Variants in PAAF1 observed in about 807,000 individuals in gnomAD.
PAAF1 encodes the protein proteasomal ATPase associated factor 1, also known as proteasomal ATPase-associated factor 1.
PAAF1 carries 46 observed loss-of-function variants against 52.8 expected under a neutral mutation model. The ratio of observed to expected loss-of-function variants is 0.87; its 90% CI spans 0.69 to 1.11. The LOEUF is 1.11. Among genes scored for constraint, PAAF1 ranks in the 50% most tolerant of loss-of-function variants. PAAF1 has a pLI of 0.00. For synonymous variants in PAAF1, 178 were observed against 172.8 expected, an observed-to-expected ratio of 1.03 and a Z score of -0.24; for missense variants, 424 against 477.4, an observed-to-expected ratio of 0.89 and a Z score of 1.04.
chr11:73,906,772 C>T (rs148715773), intron 6 of PAAF1, among the ~76,000 whole-genome samples: 41 of 152,228 alleles, frequency 2.7e-4, no homozygotes, highest in Middle Eastern at 3.4e-3. Flanking sequence ...GGCACTTGTA[C>T]GTTACGCTGA....
At chr11:73,913,805 T>C (rs1350867450) in intron 7 of PAAF1, among the ~76,000 whole-genome samples, 2 of 152,190 alleles carry the variant, frequency 1.3e-5, no homozygotes, top group Non-Finnish European at 2.9e-5. Context: ...TGTAAGATCT[T>C]TGAGGTCAGA....
chr11:73,897,537 T>C (rs1342661152), intron 4 of PAAF1, among the ~76,000 whole-genome samples: 2 of 144,728 alleles, frequency 1.4e-5, no homozygotes, highest in African/African-American at 5.2e-5. Flanking sequence ...TCCCCACATC[T>C]CAGACGATGG....
At chr11:73,898,200 GA>G (rs1949478531) in intron 4 of PAAF1, among the ~76,000 whole-genome samples, 1 of 143,902 alleles carries the variant, frequency 6.9e-6, no homozygotes, top group Admixed American at 6.8e-5. Flanking sequence ...TGGGGAGAGG[GA>G]GGGGGAGGGG....
At chr11:73,919,860 A>G (rs1950163773) in intron 10 of PAAF1, among the ~76,000 whole-genome samples, 1 of 152,214 alleles carries the variant, frequency 6.6e-6, no homozygotes, top group African/African-American at 2.4e-5. Flanking sequence ...ACCCAGCTGA[A>G]TATGGTTTAA....
intron 10 of PAAF1, chr11:73,921,833 G>T: frequency 8.9e-7 from 1 of 1,129,674 alleles, no homozygotes. Context: ...TTGTTTGCAG[G>T]TTTGGGATAC....
chr11:73,881,224 CTG>C lies in PAAF1; in HGVS notation c.88+2406_88+2407del, dbSNP rs1448229252. Reference sequence around the variant, plus strand: ...AAGCAATCTAAGAGCAAAACATCAACTGGGGTTTATATTTTTTTAGATCTTTT... The same window carrying C: ...AAGCAATCTAAGAGCAAAACATCAACGGGTTTATATTTTTTTAGATCTTTT... On this transcript the variant is annotated intron_variant, in intron 2 of 11. Coordinates refer to ENST00000310571, the MANE Select transcript of PAAF1 (RefSeq NM_025155.3). Among the ~76,000 whole-genome samples the C allele has an allele frequency of 5.9e-5, 9 of 152,208 alleles. No individual in the cohort carries two copies. The East Asian group carries it at 1.7e-3, about 29-fold the overall frequency.
At chr11:73,877,120 T>C in intron 1 of PAAF1, 52 bp downstream of exon 1, 1 of 1,477,864 alleles carries the variant, frequency 6.8e-7, no homozygotes, top group Non-Finnish European at 9.0e-7. Flanking sequence ...GGATGTTGCT[T>C]TGCGTCAAGG....
intron 1 of PAAF1, 47 bp downstream of exon 1, chr11:73,877,115 T>C: frequency 6.7e-7 from 1 of 1,482,144 alleles, no homozygotes; most frequent in Non-Finnish European, 9.0e-7. Context: ...GTAGTGGATG[T>C]TGCTTTGCGT....
Position 73,918,939 on chromosome 11 carries a change from C to G in PAAF1, c.936-11C>G. 1.2e-6 allele frequency: 2 copies of G among 1,611,286 alleles called. No homozygotes were observed. The highest frequency in any genetic ancestry group is 2.2e-5 in the East Asian group (1 of 44,862). ...AAAGAAAGTAAAATTTCCCCTTTCT[C>G]TGAATCCTAGGGCTCCGGTACAAGT... On this transcript the variant is annotated splice_polypyrimidine_tract_variant and intron_variant, in intron 9 of 11. Transcript: ENST00000310571.
chr11:73,878,498 A>G (rs1948807766), intron 1 of PAAF1, among the ~76,000 whole-genome samples: 3 of 152,252 alleles, frequency 2.0e-5, no homozygotes. Context: ...CTGATAAATA[A>G]TTAAATAACC....
chr11:73,880,592 CAGG>C (rs1310473089), intron 2 of PAAF1: 2 of 140,074 alleles, frequency 1.4e-5, no homozygotes, highest in East Asian at 4.3e-4. Flanking sequence ...GAGCCTGAGG[CAGG>C]AGAATGGAGT....
Position 73,905,672 on chromosome 11 carries a change from A to G in PAAF1, c.533-3727A>G, listed in dbSNP as rs115704212. Among the ~76,000 whole-genome samples the G allele has an allele frequency of 5.0e-3, 761 of 152,188 alleles. 9 individuals carry two copies. The highest frequency in any genetic ancestry group is 0.017 in the African/African-American group (695 of 41,530). On this transcript the variant is annotated intron_variant, in intron 6 of 11. Coordinates refer to ENST00000310571, the MANE Select transcript of PAAF1 (RefSeq NM_025155.3). ...ATGAGTGACATTTTATTTACTAAAGAGAGGGTGATAATTTTCCACTCTGCT... is the reference window on the plus strand; with the variant it reads ...ATGAGTGACATTTTATTTACTAAAGGGAGGGTGATAATTTTCCACTCTGCT...
chr11:73,877,649 A>G (rs1948780410), intron 1 of PAAF1, among the ~76,000 whole-genome samples: 1 of 152,108 alleles, frequency 6.6e-6, no homozygotes, highest in East Asian at 1.9e-4. Flanking sequence ...ACTTTGGAAA[A>G]CTGAGATTGG....
chr11:73,907,010 G>A (rs1949776821), intron 6 of PAAF1, among the ~76,000 whole-genome samples: 1 of 151,482 alleles, frequency 6.6e-6, no homozygotes, highest in Admixed American at 6.6e-5. Flanking sequence ...ACAACTCTGT[G>A]TTTTTACACC....
Position 73,913,868 on chromosome 11 carries a change from G to A in PAAF1, c.728-545G>A, listed in dbSNP as rs143325364. ...ACTCCTAGTGTGGTGTCTTATCATG[G>A]TACAAACAACTTAATATTTTAAAAG... On this transcript the variant is annotated intron_variant, in intron 7 of 11. Coordinates refer to ENST00000310571, the MANE Select transcript of PAAF1 (RefSeq NM_025155.3). 2.8e-4 allele frequency among the ~76,000 whole-genome samples: 42 copies of A among 152,140 alleles called. No homozygotes were observed. The East Asian group carries it at 7.2e-3, about 26-fold the overall frequency.
At chr11:73,914,358 G>T in intron 7 of PAAF1, 55 bp from the exon 8 acceptor site, 1 of 1,454,590 alleles carries the variant, frequency 6.9e-7, no homozygotes, top group Non-Finnish European at 9.7e-7. Flanking sequence ...GTGCTGTGTG[G>T]GCACTACCAG....
intron 4 of PAAF1, among the ~76,000 whole-genome samples, chr11:73,892,986 A>G (rs1158340663): frequency 1.3e-5 from 2 of 152,106 alleles, no homozygotes; most frequent in African/African-American, 4.8e-5. Flanking sequence ...TTACTTAATT[A>G]TATGTCCATT....
chr11:73,898,033 A>G (rs1227127304), intron 4 of PAAF1, among the ~76,000 whole-genome samples: 1 of 151,890 alleles, frequency 6.6e-6, no homozygotes, highest in Non-Finnish European at 1.5e-5. Flanking sequence ...AAACACGAAA[A>G]CCAGTCAGGC....
intron 6 of PAAF1, among the ~76,000 whole-genome samples, chr11:73,907,112 C>T (rs1390420497): frequency 6.7e-6 from 1 of 148,216 alleles, no homozygotes; most frequent in African/African-American, 2.5e-5. Context: ...GTCTTTATGT[C>T]TATAATCAAC....
Sources: allele counts gnomAD v4.1 joint callset (sites outside exome capture counted in the v4.1 genomes callset), GRCh38; gene constraint gnomAD v4.1.1; transcripts MANE v1.5; gene names NCBI Gene and HGNC (gene_info 2026-07-23, HGNC 2026-07-21).